Variants in RET observed in about 807,000 individuals in gnomAD.
RET encodes the protein proto-oncogene tyrosine-protein kinase receptor Ret.
A neutral mutation model predicts 118.3 loss-of-function variants in RET; 19 were observed. The ratio of observed to expected loss-of-function variants is 0.16; its 90% CI spans 0.11 to 0.24. The LOEUF (loss-of-function observed/expected upper bound fraction) is 0.24, where lower values mean the gene tolerates loss of function less well. RET is among the 10% of genes least tolerant of loss of function. The pLI is 1.00. For synonymous variants in RET, 597 were observed against 644.1 expected (o/e 0.93, Z 1.11); for missense variants, 1,219 against 1,502.1 (o/e 0.81, Z 3.12).
chr10:43,112,239 C>T lies in RET; in HGVS notation c.1648+15C>T, dbSNP rs1014808066. 36 of 1,551,550 alleles carry T rather than the reference C, an allele frequency of 2.3e-5. No homozygotes were observed. Among genetic ancestry groups the T allele is most frequent in the African/African-American group, 6.8e-5 (5 of 73,082 alleles). Reference sequence around the variant, plus strand: ...AGATGGCAAAGGTAAGCCCTGGAAACGCCCAAGGGAGGCCTGCAGGGGCGA... The same window carrying T: ...AGATGGCAAAGGTAAGCCCTGGAAATGCCCAAGGGAGGCCTGCAGGGGCGA... On this transcript the variant is annotated intron_variant, in intron 8 of 19. Coordinates refer to ENST00000355710, the MANE Select transcript of RET (RefSeq NM_020975.6).
intron 1 of RET, among the ~76,000 whole-genome samples, chr10:43,097,477 G>T (rs963976276): frequency 2.6e-5 from 4 of 152,076 alleles, no homozygotes; most frequent in Middle Eastern, 3.4e-3. Flanking sequence ...CCTCTCTGGG[G>T]TAAGAACATG....
At chr10:43,102,796 T>C (rs369326569) in intron 3 of RET, 167 bp downstream of exon 3, 1 of 804,024 alleles carries the variant, frequency 1.2e-6, no homozygotes. Flanking sequence ...GGTACTGTTC[T>C]AGGAGCTAAG....
In RET at chr10:43,106,550, C is replaced by T. The variant is rs1183365192; in HGVS notation, c.1042C>T (p.Arg348Trp). 1.2e-6 allele frequency: 2 copies of T among 1,613,424 alleles called. No individual in the cohort carries two copies. The highest frequency in any genetic ancestry group is 1.3e-5 in the African/African-American group (1 of 74,878). Residue 348 changes from arginine (R) to tryptophan (W), a missense_variant, in exon 5 of 20, where the codon CGG (arginine) becomes TGG (tryptophan). By Grantham distance (101) the Arg-to-Trp change is moderately radical. Coordinates refer to ENST00000355710, the MANE Select transcript of RET (RefSeq NM_020975.6). The surrounding 1 kb of genome is among the most constrained non-coding windows in gnomAD (Gnocchi z 5.1). The stretch of plus-strand genomic sequence containing the variant: ...GGTCCAGGCCAACGGCAGCTTCGTG[C>T]GGGCGACCGTACATGACTATAGTAA... ...TSVQANGSFV[R>W]ATVHDYRLVL...
chr10:43,077,221 C>T lies in RET; in HGVS notation c.-38C>T. The T allele has an allele frequency of 6.8e-7, 1 of 1,475,256 alleles. No homozygotes were observed. The highest frequency in any genetic ancestry group is 9.0e-7 in the Non-Finnish European group (1 of 1,116,402). 91.4% of individuals were successfully genotyped at this position (1,475,256 alleles called of 1,614,324 possible). On this transcript the variant is annotated 5_prime_UTR_variant, in exon 1 of 20. Coordinates refer to ENST00000355710, the MANE Select transcript of RET (RefSeq NM_020975.6). ...GCCATCCAGACCCGCCGGCCCTAGC[C>T]GCAGTCCCTCCAGCCGTGGCCCCAG...
chr10:43,107,577 A>AC (rs1837812008), intron 5 of RET, among the ~76,000 whole-genome samples: 1 of 151,282 alleles, frequency 6.6e-6, no homozygotes, highest in African/African-American at 2.4e-5. Context: ...ACACACACAC[A>AC]CACACACACA....
chr10:43,078,814 G>T (rs1292124503), intron 1 of RET, among the ~76,000 whole-genome samples: 1 of 152,216 alleles, frequency 6.6e-6, no homozygotes, highest in Non-Finnish European at 1.5e-5. Context: ...AGCTTTCCGT[G>T]CCCAGACCCC....
intron 1 of RET, among the ~76,000 whole-genome samples, chr10:43,092,471 T>G (rs1837430569): frequency 6.6e-6 from 1 of 152,272 alleles, no homozygotes; most frequent in Non-Finnish European, 1.5e-5. Flanking sequence ...TTCATGTGTA[T>G]TTTACCACAA....
At chr10:43,119,947 C>T in intron 14 of RET, 134 bp from the exon 15 acceptor site, 4 of 1,406,182 alleles carry the variant, frequency 2.8e-6, no homozygotes, top group Non-Finnish European at 1.9e-6. Context: ...CCCTGCCATG[C>T]CACACCCCCG....
chr10:43,126,455 G>C, intron 18 of RET, 120 bp from the exon 19 acceptor site: 3 of 926,252 alleles, frequency 3.2e-6, no homozygotes, highest in Non-Finnish European at 5.3e-6. Flanking sequence ...GAGAGGTCAG[G>C]AGATTGGTGC....
chr10:43,102,240 G>A, intron 2 of RET, 102 bp from the exon 3 acceptor site: 1 of 1,453,732 alleles, frequency 6.9e-7, no homozygotes, highest in Non-Finnish European at 9.5e-7. Flanking sequence ...ACCTTGGTGG[G>A]GACCAGGGTT....
intron 1 of RET, among the ~76,000 whole-genome samples, chr10:43,077,782 C>G (rs1027037770): frequency 6.6e-6 from 1 of 152,252 alleles, no homozygotes; most frequent in Non-Finnish European, 1.5e-5. Context: ...TTCCTTTTCC[C>G]GCTCAGCGTC....
chr10:43,114,809 G>A lies in RET; in HGVS notation c.2136+73G>A. ...CCTTCCAGGGAGGGAGGCCAGCTGG[G>A]GAGACAGAGGCCATCCTGTGAGGGG... On this transcript the variant is annotated intron_variant, in intron 11 of 19. Transcript: ENST00000355710. The surrounding 1 kb of genome is among the most constrained non-coding windows in gnomAD (Gnocchi z 4.6). The A allele has an allele frequency of 6.7e-7, 1 of 1,492,014 alleles. No homozygotes were observed. The highest frequency in any genetic ancestry group is 9.0e-7 in the Non-Finnish European group (1 of 1,114,166). 92.4% of individuals were successfully genotyped at this position (1,492,014 alleles called of 1,614,324 possible).
chr10:43,119,887 T>C, intron 14 of RET, 142 bp downstream of exon 14: 2 of 1,235,878 alleles, frequency 1.6e-6, no homozygotes, highest in Non-Finnish European at 2.3e-6. Context: ...TGGCATGCCA[T>C]GCTATGGCTC....
chr10:43,113,027 C>T (rs975095510), intron 9 of RET, 64 bp downstream of exon 9: 3 of 1,354,308 alleles, frequency 2.2e-6, no homozygotes, highest in Admixed American at 3.5e-5. Flanking sequence ...CTGGATCCCA[C>T]AGGCACTTCA....
Position 43,109,191 on chromosome 10 carries a change from C to T in RET, c.1224C>T (p.Tyr408=), listed in dbSNP as rs745479264. The change falls in exon 6 of 20, where the codon TAC becomes TAT. Residue 408 remains tyrosine (Y), a synonymous_variant. Coordinates refer to ENST00000355710, the MANE Select transcript of RET (RefSeq NM_020975.6). ...LPVSLHLPST[Y]SLSVSRRARR... is the part of the protein sequence containing the mutation. ...TCAGCCTGCACCTGCCCAGTACCTA[C>T]TCCCTCTCCGTGAGCAGGAGGGCTC... The T allele has an allele frequency of 1.5e-5, 25 of 1,613,740 alleles. No homozygotes were observed. Among genetic ancestry groups the T allele is most frequent in the Non-Finnish European group, 2.0e-5 (24 of 1,180,062 alleles).
chr10:43,101,317 C>G (rs994898044), intron 2 of RET, among the ~76,000 whole-genome samples: 1 of 152,226 alleles, frequency 6.6e-6, no homozygotes, highest in African/African-American at 2.4e-5. Context: ...TCCCTAGCAC[C>G]CCTCCAGGGC....
chr10:43,104,759 G>C, intron 3 of RET, 193 bp from the exon 4 acceptor site: 3 of 818,114 alleles, frequency 3.7e-6, no homozygotes, highest in East Asian at 2.7e-5. Flanking sequence ...CTGCAAACTC[G>C]TAAGCACAGT....
chr10:43,086,828 G>A (rs1837298399), intron 1 of RET, among the ~76,000 whole-genome samples: 2 of 152,380 alleles, frequency 1.3e-5, no homozygotes, highest in African/African-American at 4.8e-5. Context: ...GTATGGAAGT[G>A]TGGGTGGTGG....
chr10:43,093,878 A>C (rs941977683), intron 1 of RET, among the ~76,000 whole-genome samples: 2 of 151,980 alleles, frequency 1.3e-5, no homozygotes, highest in East Asian at 1.9e-4. Flanking sequence ...GGCAAGAAGA[A>C]GGCCAGGCGC....
Sources: allele counts gnomAD v4.1 joint callset (sites outside exome capture counted in the v4.1 genomes callset), GRCh38; gene constraint gnomAD v4.1.1; non-coding constraint Gnocchi (gnomAD v3.1); transcripts MANE v1.5; gene names NCBI Gene and HGNC (gene_info 2026-07-23, HGNC 2026-07-21).